Variants in LTBP1 observed in about 807,000 individuals in gnomAD.
LTBP1 encodes the protein latent-transforming growth factor beta-binding protein 1.
A neutral mutation model predicts 207.6 loss-of-function variants in LTBP1; 129 were observed. The observed-to-expected ratio is 0.62, with a 90% CI of 0.54 to 0.72. The LOEUF is 0.72. LTBP1 is among the 30% of genes least tolerant of loss of function. The pLI, the probability that LTBP1 is intolerant of heterozygous loss-of-function variation, is 0.00. For missense variants in LTBP1, 2,281 were observed against 2,217.2 expected (o/e 1.03, Z -0.58); for synonymous variants, 963 against 833.7 (o/e 1.16, Z -2.67).
intron 2 of LTBP1, among the ~76,000 whole-genome samples, chr2:32,985,864 A>G (rs1683479303): frequency 6.6e-6 from 1 of 151,992 alleles, no homozygotes; most frequent in Non-Finnish European, 1.5e-5. Flanking sequence ...CTCAGGGAAG[A>G]TCTGAGTGTT....
intron 22 of LTBP1, among the ~76,000 whole-genome samples, chr2:33,301,966 T>C (rs188053673): frequency 5.9e-5 from 9 of 152,342 alleles, no homozygotes; most frequent in Non-Finnish European, 1.2e-4. Context: ...CAGAACCAAC[T>C]TCTAAATGTT....
intron 9 of LTBP1, among the ~76,000 whole-genome samples, 164 bp downstream of exon 9, chr2:33,222,315 T>C (rs1469707608): frequency 6.6e-6 from 1 of 152,222 alleles, no homozygotes; most frequent in Admixed American, 6.5e-5. Context: ...GTTTAAAATA[T>C]GGTTATTGGA....
chr2:33,058,994 A>G (rs2077140618), intron 3 of LTBP1, among the ~76,000 whole-genome samples: 2 of 152,228 alleles, frequency 1.3e-5, no homozygotes, highest in Non-Finnish European at 2.9e-5. Context: ...TTTCACAGCC[A>G]TACACATTTA....
At chr2:33,164,951 G>C (rs959012725) in intron 5 of LTBP1, among the ~76,000 whole-genome samples, 2 of 152,232 alleles carry the variant, frequency 1.3e-5, no homozygotes, top group East Asian at 3.8e-4. Context: ...CTTAAAGCAA[G>C]TACATAAGAG....
chr2:33,197,670 T>G (rs151110771), intron 7 of LTBP1, among the ~76,000 whole-genome samples: 1 of 152,368 alleles, frequency 6.6e-6, no homozygotes, highest in East Asian at 1.9e-4. Context: ...CATGTTTTAT[T>G]GATTGCCCAG....
intron 5 of LTBP1, among the ~76,000 whole-genome samples, chr2:33,164,615 A>G (rs1192486559): frequency 6.6e-6 from 1 of 152,182 alleles, no homozygotes; most frequent in Admixed American, 6.5e-5. Context: ...TTTTGATGTC[A>G]TTTGGAATAA....
At chr2:33,190,201 A>G (rs1368870231) in intron 7 of LTBP1, among the ~76,000 whole-genome samples, 1 of 152,146 alleles carries the variant, frequency 6.6e-6, no homozygotes, top group Non-Finnish European at 1.5e-5. Flanking sequence ...CCTCCACTCC[A>G]TTATGTGGTA....
Position 32,947,384 on chromosome 2 carries a change from G to C in LTBP1, c.60G>C (p.Ser20=). 7.3e-7 allele frequency: 1 copy of C among 1,374,978 alleles called. No homozygotes were observed. The highest frequency in any genetic ancestry group is 9.4e-7 in the Non-Finnish European group (1 of 1,064,908). The allele number at this position is 1,374,978 out of a possible 1,614,324, so 85.2% of individuals were successfully genotyped here. ...TCTGGGCAGGGCTCCTCGCGTCCTCGGCGCACGGCCGGCTGCGGAGGATCA... is the reference window on the plus strand; with the variant it reads ...TCTGGGCAGGGCTCCTCGCGTCCTCCGCGCACGGCCGGCTGCGGAGGATCA... ...LLLWAGLLAS[S]AHGRLRRITY... Residue 20 remains serine, a synonymous_variant, in exon 1 of 34, where the codon TCG becomes TCC. Transcript: ENST00000404816.
chr2:33,361,892 AT>A (rs1434399448), intron 28 of LTBP1, among the ~76,000 whole-genome samples: 5 of 152,332 alleles, frequency 3.3e-5, no homozygotes, highest in African/African-American at 9.6e-5. Flanking sequence ...TTATGATCAT[AT>A]AAATTTGACC....
chr2:33,048,392 A>G (rs558834308), intron 3 of LTBP1, among the ~76,000 whole-genome samples: 4 of 152,364 alleles, frequency 2.6e-5, no homozygotes, highest in Admixed American at 2.6e-4. Context: ...TTGTCTTCTA[A>G]TAGTAGAGAA....
chr2:33,176,703 A>C (rs1339732632), intron 5 of LTBP1, among the ~76,000 whole-genome samples: 1 of 152,124 alleles, frequency 6.6e-6, no homozygotes, highest in African/African-American at 2.4e-5. Flanking sequence ...GCTTCCCAAG[A>C]TGTGGAGATG....
At chr2:33,113,556 G>C (rs187218296) in intron 4 of LTBP1, among the ~76,000 whole-genome samples, 4 of 152,270 alleles carry the variant, frequency 2.6e-5, no homozygotes, top group Middle Eastern at 6.8e-3. Context: ...TTTTCCCACA[G>C]TTTTGATAAT....
intron 20 of LTBP1, among the ~76,000 whole-genome samples, chr2:33,298,586 T>C (rs192148815): frequency 3.1e-4 from 47 of 152,280 alleles, no homozygotes; most frequent in Admixed American, 6.5e-4. Context: ...TAAAAGAAAA[T>C]AGTGACGTAG....
At chr2:33,113,764 T>C (rs2080552869) in intron 4 of LTBP1, among the ~76,000 whole-genome samples, 1 of 152,216 alleles carries the variant, frequency 6.6e-6, no homozygotes, top group Non-Finnish European at 1.5e-5. Context: ...ATCAGTATCT[T>C]ATTCCTTTTT....
chr2:33,223,987 A>T (rs980281332), intron 9 of LTBP1, among the ~76,000 whole-genome samples: 5 of 152,220 alleles, frequency 3.3e-5, no homozygotes. Context: ...TCGAGGGGCT[A>T]AAACTTATGT....
rs1007916968 is a variant in LTBP1 at position 33,385,818 on chromosome 2, G to A, written c.4712-3366G>A. Among the ~76,000 whole-genome samples the A allele has an allele frequency of 2.0e-5, 3 of 152,160 alleles. 1 individual carries two copies. The South Asian group carries it at 6.2e-4, about 32-fold the overall frequency. On this transcript the variant is annotated intron_variant, in intron 31 of 33. Coordinates refer to ENST00000404816, the MANE Select transcript of LTBP1 (RefSeq NM_206943.4). ...TCAAAATACATTTCCTGGTGATGAC[G>A]GGACTTTAGCACATCTTCAGATACA...
intron 3 of LTBP1, among the ~76,000 whole-genome samples, chr2:33,035,733 C>A (rs149142227): frequency 1.0e-3 from 153 of 152,296 alleles, no homozygotes; most frequent in African/African-American, 3.4e-3. Context: ...TATAATTCTA[C>A]GTTCACGACT....
At chr2:33,205,959 A>C (rs746281827) in intron 7 of LTBP1, among the ~76,000 whole-genome samples, 22 of 151,990 alleles carry the variant, frequency 1.4e-4, no homozygotes, top group Non-Finnish European at 2.8e-4. Flanking sequence ...CCAAAAATCC[A>C]CCATGTTGGT....
chr2:32,969,093 T>G (rs1377062521), intron 2 of LTBP1, among the ~76,000 whole-genome samples: 6 of 151,460 alleles, frequency 4.0e-5, no homozygotes, highest in Non-Finnish European at 7.4e-5. Context: ...GCCTGGCTAA[T>G]TTTTGTATTT....
Sources: gnomAD v4.1 joint callset for allele counts (sites outside exome capture counted in the v4.1 genomes callset) on GRCh38, gnomAD v4.1.1 for gene constraint, MANE v1.5 for transcripts, NCBI Gene and HGNC (gene_info 2026-07-23, HGNC 2026-07-21) for gene names.